The following CSMD1 variants were observed in gnomAD, a reference collection of about 807,000 sequenced individuals.
CSMD1 encodes the protein CUB and sushi domain-containing protein 1.
A neutral mutation model predicts 417.5 loss-of-function variants in CSMD1; 213 were observed. The observed-to-expected ratio is 0.51, with a 90% CI of 0.46 to 0.57. CSMD1 has a LOEUF of 0.57. CSMD1 is among the 20% of genes least tolerant of loss of function. The pLI, the probability that CSMD1 is intolerant of heterozygous loss-of-function variation, is 0.00. For missense variants in CSMD1, 6,923 were observed against 4,529.7 expected (o/e 1.53, Z -15.17); for synonymous variants, 2,862 against 1,736.8 (o/e 1.65, Z -16.11).
chr8:3,372,929 G>A (rs1284213029), intron 18 of CSMD1, among the ~76,000 whole-genome samples: 3 of 152,146 alleles, frequency 2.0e-5, no homozygotes, highest in African/African-American at 4.8e-5. Flanking sequence ...GAGGACGGAG[G>A]AGTCCCGAAT....
intron 2 of CSMD1, among the ~76,000 whole-genome samples, chr8:4,507,745 T>C (rs1802601920): frequency 6.6e-6 from 1 of 152,188 alleles, no homozygotes; most frequent in East Asian, 1.9e-4. Context: ...GATCAGTTTA[T>C]CTAAAGACAT....
chr8:4,206,374 G>A (rs139133180), intron 3 of CSMD1, among the ~76,000 whole-genome samples: 1 of 151,710 alleles, frequency 6.6e-6, no homozygotes, highest in African/African-American at 2.4e-5. Flanking sequence ...GCCCCGGTAT[G>A]TCATATTCCC....
At chr8:3,978,655 G>T (rs896267339) in intron 5 of CSMD1, among the ~76,000 whole-genome samples, 1 of 152,040 alleles carries the variant, frequency 6.6e-6, no homozygotes, top group East Asian at 1.9e-4. Flanking sequence ...ACCTCCTCGT[G>T]GTGATGATGA....
At chr8:4,607,360 G>C (rs1471724018) in intron 2 of CSMD1, among the ~76,000 whole-genome samples, 1 of 152,140 alleles carries the variant, frequency 6.6e-6, no homozygotes, top group Non-Finnish European at 1.5e-5. Flanking sequence ...TATTGATTCT[G>C]AGACAGGAAT....
chr8:3,950,833 G>A (rs1811551774), intron 5 of CSMD1, among the ~76,000 whole-genome samples: 1 of 151,710 alleles, frequency 6.6e-6, no homozygotes, highest in African/African-American at 2.4e-5. Flanking sequence ...AAAATACTGT[G>A]CTAAGTAGAA....
intron 2 of CSMD1, among the ~76,000 whole-genome samples, chr8:4,470,832 C>G (rs187266578): frequency 6.6e-6 from 1 of 152,128 alleles, no homozygotes; most frequent in South Asian, 2.1e-4. Flanking sequence ...TCGATGTTGT[C>G]TCTGGGCTTC....
chr8:3,927,432 C>G (rs890844136), intron 5 of CSMD1, among the ~76,000 whole-genome samples: 1 of 151,884 alleles, frequency 6.6e-6, no homozygotes. Context: ...TTTGTGGTGC[C>G]GAGGCAGGTG....
intron 1 of CSMD1, among the ~76,000 whole-genome samples, chr8:4,915,761 G>C (rs1419429870): frequency 2.6e-5 from 4 of 152,214 alleles, no homozygotes; most frequent in Non-Finnish European, 5.9e-5. Context: ...TTTCCTGGCG[G>C]GGATTCAAAC....
chr8:3,854,966 C>A (rs1804191946), intron 5 of CSMD1, among the ~76,000 whole-genome samples: 1 of 152,054 alleles, frequency 6.6e-6, no homozygotes, highest in Admixed American at 6.6e-5. Flanking sequence ...ACATAGCATA[C>A]ATACACACAA....
intron 5 of CSMD1, among the ~76,000 whole-genome samples, chr8:3,983,322 G>C (rs1055758535): frequency 1.3e-5 from 2 of 151,856 alleles, no homozygotes; most frequent in African/African-American, 4.8e-5. Context: ...AGTAGAGATG[G>C]GGTTTCACCG....
intron 3 of CSMD1, among the ~76,000 whole-genome samples, chr8:4,234,657 A>AT (rs764474831): frequency 2.0e-5 from 3 of 152,142 alleles, no homozygotes; most frequent in Non-Finnish European, 4.4e-5. Context: ...TGACGAATAG[A>AT]TGGCAGGTGC....
chr8:4,512,791 C>A (rs1802893473), intron 2 of CSMD1, among the ~76,000 whole-genome samples: 1 of 127,274 alleles, frequency 7.9e-6, no homozygotes. Context: ...AATAACTAAA[C>A]AAAGAGATAG....
intron 5 of CSMD1, among the ~76,000 whole-genome samples, chr8:3,825,913 A>T (rs776229465): frequency 1.7e-4 from 26 of 152,244 alleles, no homozygotes; most frequent in Non-Finnish European, 4.4e-5. Flanking sequence ...TCAGACATGC[A>T]GGTAAGAATT....
At chr8:3,980,474 A>C (rs1337861703) in intron 5 of CSMD1, among the ~76,000 whole-genome samples, 2 of 152,120 alleles carry the variant, frequency 1.3e-5, no homozygotes, top group Admixed American at 6.6e-5. Flanking sequence ...TTTTTTGCCA[A>C]ACTTCCTCAC....
intron 3 of CSMD1, among the ~76,000 whole-genome samples, chr8:4,248,401 G>A (rs986408779): frequency 6.6e-6 from 1 of 152,060 alleles, no homozygotes; most frequent in Non-Finnish European, 1.5e-5. Context: ...AAACTATCAT[G>A]GCGCTTATAA....
rs562645849 is a variant in CSMD1 at position 4,374,402 on chromosome 8, G to C, written c.415+45551C>G. 5.3e-5 allele frequency among the ~76,000 whole-genome samples: 8 copies of C among 152,260 alleles called. No homozygotes were observed. The East Asian group carries it at 1.4e-3, about 26-fold the overall frequency. The stretch of plus-strand genomic sequence containing the variant: ...GTAATAATAAAAAGAAAGTCATAGG[G>C]GCTGAAGGCACCTGAAAAAACTTTT... On this transcript the variant is annotated intron_variant, in intron 3 of 69. Transcript: ENST00000635120.
At chr8:4,115,481 C>T (rs1324600412) in intron 3 of CSMD1, among the ~76,000 whole-genome samples, 1 of 152,074 alleles carries the variant, frequency 6.6e-6, no homozygotes, top group Non-Finnish European at 1.5e-5. Context: ...ATGCTTTAGA[C>T]GTATTTTTTT....
chr8:3,698,103 A>G (rs981006797), intron 7 of CSMD1, among the ~76,000 whole-genome samples: 2 of 152,188 alleles, frequency 1.3e-5, no homozygotes, highest in African/African-American at 4.8e-5. Context: ...TAATTGATGA[A>G]ACATCTTGTT....
chr8:4,479,795 C>T (rs1005902359), intron 2 of CSMD1, among the ~76,000 whole-genome samples: 1 of 151,748 alleles, frequency 6.6e-6, no homozygotes, highest in African/African-American at 2.4e-5. Flanking sequence ...AAACCCCGTT[C>T]TCTACTGAAA....
Sources: allele counts gnomAD v4.1 joint callset (sites outside exome capture counted in the v4.1 genomes callset), GRCh38; gene constraint gnomAD v4.1.1; transcripts MANE v1.5; gene names NCBI Gene and HGNC (gene_info 2026-07-23, HGNC 2026-07-21).